The following HTATIP2 variants were observed in gnomAD, a reference collection of about 807,000 sequenced individuals.
The protein encoded by HTATIP2 is protein HTATIP2.
Under a neutral mutation model 24.7 loss-of-function variants are expected in HTATIP2, and 26 were observed. The observed-to-expected ratio is 1.05, with a 90% CI of 0.77 to 1.46. HTATIP2 has a LOEUF of 1.46. Ranked by LOEUF, HTATIP2 falls within the 40% of genes most tolerant of loss-of-function variation. The pLI, the probability that HTATIP2 is intolerant of heterozygous loss-of-function variation, is 0.00. For missense variants in HTATIP2, 284 were observed against 289.6 expected (o/e 0.98, Z 0.14); for synonymous variants, 99 against 113.2 (o/e 0.87, Z 0.79).
At chr11:20,382,836 C>T in intron 4 of HTATIP2, 144 bp from the exon 5 acceptor site, 1 of 535,718 alleles carries the variant, frequency 1.9e-6, no homozygotes, top group Non-Finnish European at 3.2e-6. Context: ...GCCTTATCTT[C>T]AAATATAGAC....
At position 20,379,060 on chromosome 11, in the gene HTATIP2, C is replaced by CA. The variant is rs1592322073; in HGVS notation, c.441+2345dup. On this transcript the variant is annotated intron_variant, in intron 3 of 4. Coordinates refer to ENST00000451739, the MANE Select transcript of HTATIP2 (RefSeq NM_001098522.2). ...CAAAAACAAAACAAAACAAAACAAA[C>CA]AACAACAACAACAACAACAACAAAA... Among the ~76,000 whole-genome samples, 7 of 1,850 alleles carry CA rather than the reference C, an allele frequency of 3.8e-3. No individual in the cohort carries two copies. The South Asian group carries it at 0.045, about 12-fold the overall frequency. The allele number at this position is 1,850 out of a possible 152,430, so 1.2% of individuals were successfully genotyped here.
At position 20,363,844 on chromosome 11, in the gene HTATIP2, G is replaced by A; in HGVS notation, c.-394G>A. Reference sequence around the variant, plus strand: ...GGCCTGCGGCGCTGAGCGCGGCGGCGGCGGCTGCTCTGGCGGCCGCCCTGC... The same window carrying A: ...GGCCTGCGGCGCTGAGCGCGGCGGCAGCGGCTGCTCTGGCGGCCGCCCTGC... On this transcript the variant is annotated 5_prime_UTR_variant, in exon 1 of 5. Coordinates refer to ENST00000451739, the MANE Select transcript of HTATIP2 (RefSeq NM_001098522.2). 1.6e-6 allele frequency: 2 copies of A among 1,244,974 alleles called. No individual in the cohort carries two copies. Among genetic ancestry groups the A allele is most frequent in the South Asian group, 8.0e-5 (2 of 25,008 alleles). 77.1% of individuals were successfully genotyped at this position (1,244,974 alleles called of 1,614,324 possible).
At chr11:20,368,681 A>C (rs1437535988) in intron 2 of HTATIP2, among the ~76,000 whole-genome samples, 1 of 152,240 alleles carries the variant, frequency 6.6e-6, no homozygotes, top group Non-Finnish European at 1.5e-5. Context: ...TCAGCAAAAC[A>C]AAATGCTGCA....
chr11:20,364,316 A>G lies in HTATIP2; in HGVS notation c.79A>G (p.Ser27Gly), dbSNP rs767095366. ...TAAATCCGTCTTTATTTTGGGCGCC[A>G]GCGGAGAAACCGGCAGAGTGCTCTT... The part of the protein sequence containing the change: ...QNKSVFILGA[S>G]GETGRVLLKE... Residue 27 changes from serine (S) to glycine (G), a missense_variant, in exon 1 of 5, where the codon AGC (serine) becomes GGC (glycine). Transcript: ENST00000451739. The G allele has an allele frequency of 1.5e-5, 24 of 1,613,958 alleles. No homozygotes were observed. The highest frequency in any genetic ancestry group is 2.2e-5 in the East Asian group (1 of 44,864).
chr11:20,372,676 G>C (rs2064783989), intron 2 of HTATIP2, among the ~76,000 whole-genome samples: 1 of 152,184 alleles, frequency 6.6e-6, no homozygotes. Flanking sequence ...ACATGGTTAG[G>C]GAAACTAAGT....
At chr11:20,376,756 C>A (rs755839515) in intron 3 of HTATIP2, 39 bp downstream of exon 3, 3 of 1,540,690 alleles carry the variant, frequency 1.9e-6, no homozygotes, top group Admixed American at 2.1e-5. Context: ...CTTTGGAGAA[C>A]CCTAGCTATT....
At chr11:20,369,646 C>T (rs1014574376) in intron 2 of HTATIP2, among the ~76,000 whole-genome samples, 14 of 152,170 alleles carry the variant, frequency 9.2e-5, no homozygotes, top group Admixed American at 8.5e-4. Context: ...TGTCTCTTTA[C>T]GTGGTATTTT....
At chr11:20,380,671 C>CAAAAAAAAAA (rs35392320) in intron 3 of HTATIP2, among the ~76,000 whole-genome samples, 3 of 81,874 alleles carry the variant, frequency 3.7e-5, no homozygotes, top group African/African-American at 4.8e-5. Context: ...GACTCCATCT[C>CAAAAAAAAAA]AAAAAAAAAA....
In HTATIP2 at chr11:20,366,098, T is replaced by A. The variant is rs1351684690; in HGVS notation, c.196-1076T>A. ...TTTTTCTTTTTCTTTTCTTTTCTTTTCTTTTTTTTTTTTTTTTTTTTGAGA... is the reference window on the plus strand; with the variant it reads ...TTTTTCTTTTTCTTTTCTTTTCTTTACTTTTTTTTTTTTTTTTTTTTGAGA... On this transcript the variant is annotated intron_variant, in intron 1 of 4. Transcript: ENST00000451739. 5.5e-5 allele frequency among the ~76,000 whole-genome samples: 8 copies of A among 146,124 alleles called. No individual in the cohort carries two copies. The East Asian group carries it at 1.7e-3, about 31-fold the overall frequency.
At chr11:20,371,187 C>T (rs910792095) in intron 2 of HTATIP2, among the ~76,000 whole-genome samples, 4 of 129,368 alleles carry the variant, frequency 3.1e-5, no homozygotes, top group Non-Finnish European at 4.9e-5. Flanking sequence ...GAAAAGTTTG[C>T]CCACCCTTGT....
chr11:20,365,107 C>T (rs2064683316), intron 1 of HTATIP2, among the ~76,000 whole-genome samples: 1 of 151,908 alleles, frequency 6.6e-6, no homozygotes, highest in Admixed American at 6.6e-5. Context: ...CCTCAGCCTC[C>T]CGAGTAACTG....
Position 20,363,822 on chromosome 11 carries a change from C to A in HTATIP2, c.-416C>A. 1 of 1,246,054 alleles carries A rather than the reference C, an allele frequency of 8.0e-7. No individual in the cohort carries two copies. Among genetic ancestry groups the A allele is most frequent in the South Asian group, 4.0e-5 (1 of 25,044 alleles). The allele number at this position is 1,246,054 out of a possible 1,614,324, so 77.2% of individuals were successfully genotyped here. ...AGGTGGGATGCTCTGATGGCCGGGC[C>A]TGCGGCGCTGAGCGCGGCGGCGGCG... On this transcript the variant is annotated 5_prime_UTR_variant, in exon 1 of 5. In the 5' UTR this introduces an upstream ATG that the reference lacks. Coordinates refer to ENST00000451739, the MANE Select transcript of HTATIP2 (RefSeq NM_001098522.2).
intron 2 of HTATIP2, 168 bp downstream of exon 2, chr11:20,367,449 C>A: frequency 6.7e-7 from 1 of 1,484,980 alleles, no homozygotes; most frequent in Non-Finnish European, 8.9e-7. Context: ...TTTAATAGTA[C>A]TGATAAGTTC....
At chr11:20,366,238 A>G (rs2064704867) in intron 1 of HTATIP2, among the ~76,000 whole-genome samples, 1 of 150,916 alleles carries the variant, frequency 6.6e-6, no homozygotes, top group Non-Finnish European at 1.5e-5. Context: ...AGTAGCTGCA[A>G]CTACAGGTGC....
Position 20,364,412 on chromosome 11 carries a change from G to C in HTATIP2, c.175G>C (p.Glu59Gln). The change falls in exon 1 of 5, where the codon GAG becomes CAG. Residue 59 changes from glutamate (E) to glutamine (Q), a missense_variant. By Grantham distance (29) the Glu-to-Gln change is conservative. Transcript: ENST00000451739. ...LIGRRKLTFD[E>Q]EAYKNVNQEV... ...TGGCCGGAGGAAGCTCACCTTCGAC[G>C]AGGAAGCTTATAAAAATGTGGTGGG... is the stretch of plus-strand genomic sequence containing the variant. 6.2e-7 allele frequency: 1 copy of C among 1,608,228 alleles called. No homozygotes were observed. The highest frequency in any genetic ancestry group is 1.1e-5 in the South Asian group (1 of 90,754).
In HTATIP2 at chr11:20,376,677, G is replaced by A. The variant is rs756000995; in HGVS notation, c.401G>A (p.Gly134Glu). The change falls in exon 3 of 5, where the codon GGA becomes GAA. Residue 134 changes from glycine to glutamate, a missense_variant. By Grantham distance (98) the Gly-to-Glu change is moderately conservative (BLOSUM62 -2). Coordinates refer to ENST00000451739, the MANE Select transcript of HTATIP2 (RefSeq NM_001098522.2). ...CKHFNLLSSK[G>E]ADKSSNFLYL... ...CATTTCAACTTGCTATCCTCTAAAG[G>A]AGCTGATAAATCAAGCAATTTTTTA... 4.3e-6 allele frequency: 7 copies of A among 1,611,720 alleles called. No homozygotes were observed. Among genetic ancestry groups the A allele is most frequent in the Non-Finnish European group, 4.2e-6 (5 of 1,179,276 alleles).
intron 2 of HTATIP2, among the ~76,000 whole-genome samples, chr11:20,368,671 T>A (rs2064739677): frequency 6.6e-6 from 1 of 152,160 alleles, no homozygotes; most frequent in Non-Finnish European, 1.5e-5. Context: ...TGGTGGTGAG[T>A]CAGCAAAACA....
chr11:20,364,467 A>T (rs373770270), intron 1 of HTATIP2, 35 bp downstream of exon 1: 15 of 1,542,132 alleles, frequency 9.7e-6, no homozygotes, highest in Non-Finnish European at 1.3e-5. Context: ...ATGGACCCCC[A>T]GGATTCTGCG....
At chr11:20,366,951 A>T (rs2064715220) in intron 1 of HTATIP2, among the ~76,000 whole-genome samples, 2 of 152,182 alleles carry the variant, frequency 1.3e-5, no homozygotes, top group African/African-American at 4.8e-5. Flanking sequence ...AGAAATCTGG[A>T]TCACCCCTAG....
Sources: allele counts gnomAD v4.1 joint callset (sites outside exome capture counted in the v4.1 genomes callset), GRCh38; gene constraint gnomAD v4.1.1; transcripts MANE v1.5; gene names NCBI Gene and HGNC (gene_info 2026-07-23, HGNC 2026-07-21).